The following TNFSF10 variants were observed in gnomAD, a reference collection of about 807,000 sequenced individuals.
The protein encoded by TNFSF10 is TNF superfamily member 10.
In TNFSF10, 13 loss-of-function variants were observed where a neutral mutation model predicts 29.5. The ratio of observed to expected loss-of-function variants is 0.44; its 90% CI spans 0.29 to 0.70. The LOEUF (loss-of-function observed/expected upper bound fraction) is 0.70, where lower values mean the gene tolerates loss of function less well. Among genes scored for constraint, TNFSF10 ranks in the 30% least tolerant of loss-of-function variants. The pLI, the probability that TNFSF10 is intolerant of heterozygous loss-of-function variation, is 0.13. For missense variants in TNFSF10, 345 were observed against 330.9 expected, an observed-to-expected ratio of 1.04 and a Z score of -0.33; for synonymous variants, 111 against 112.8, an observed-to-expected ratio of 0.98 and a Z score of 0.10.
intron 1 of TNFSF10, among the ~76,000 whole-genome samples, chr3:172,516,999 C>G (rs1339973947): frequency 6.6e-6 from 1 of 152,224 alleles, no homozygotes; most frequent in African/African-American, 2.4e-5. Flanking sequence ...TTTGATTACA[C>G]TGAACAAGCA....
At position 172,523,338 on chromosome 3, in the gene TNFSF10, C is replaced by G. The variant is rs766473220; in HGVS notation, c.47G>C (p.Cys16Ser). The G allele has an allele frequency of 1.2e-6, 2 of 1,614,108 alleles. No homozygotes were observed. The highest frequency in any genetic ancestry group is 1.7e-6 in the Non-Finnish European group (2 of 1,179,954). ...VQGGPSLGQT[C>S]VLIVIFTVLL... ...CACTGTGAAGATCACGATCAGCACGCAGGTCTGTCCCAGGCTGGGTCCCCC... is the reference window on the plus strand; with the variant it reads ...CACTGTGAAGATCACGATCAGCACGGAGGTCTGTCCCAGGCTGGGTCCCCC... Residue 16 changes from cysteine (C) to serine (S), a missense_variant, in exon 1 of 5, where the codon TGC (cysteine) becomes TCC (serine). Coordinates refer to ENST00000241261, the MANE Select transcript of TNFSF10 (RefSeq NM_003810.4).
At chr3:172,509,417 T>C (rs2108444910) in intron 3 of TNFSF10, 96 bp from the exon 4 acceptor site, 1 of 808,162 alleles carries the variant, frequency 1.2e-6, no homozygotes, top group Non-Finnish European at 1.9e-6. Flanking sequence ...ATCGTAAGCA[T>C]ACTGGGCTTC....
At chr3:172,508,173 T>C (rs566167721) in intron 4 of TNFSF10, among the ~76,000 whole-genome samples, 1 of 152,056 alleles carries the variant, frequency 6.6e-6, no homozygotes, top group African/African-American at 2.4e-5. Flanking sequence ...TGCATGCTTG[T>C]AATCCCAGCT....
rs1397056329 is a variant in TNFSF10, at chr3:172,505,626, T to A, written c.*866A>T. 1 of 151,918 alleles carries A rather than the reference T, an allele frequency of 6.6e-6. No individual in the cohort carries two copies. Among genetic ancestry groups the A allele is most frequent in the East Asian group, 1.9e-4 (1 of 5,202 alleles). The allele number at this position is 151,918 out of a possible 1,614,324, so 9.4% of individuals were successfully genotyped here. A position where few individuals can be genotyped will look rare whatever the true frequency, so the allele number is the denominator to read the frequency against. On this transcript the variant is annotated 3_prime_UTR_variant, in exon 5 of 5. Coordinates refer to ENST00000241261, the MANE Select transcript of TNFSF10 (RefSeq NM_003810.4). ...AGTAATCTTGATATTATGAAACAAG[T>A]GAGTACTAAAACAAAAACAACAATA... is the stretch of plus-strand genomic sequence containing the variant.
intron 2 of TNFSF10, among the ~76,000 whole-genome samples, chr3:172,513,561 T>C (rs777768295): frequency 1.3e-5 from 2 of 152,186 alleles, no homozygotes; most frequent in Non-Finnish European, 2.9e-5. Flanking sequence ...CCCATAGAAA[T>C]AGCATCTCAC....
intron 4 of TNFSF10, 153 bp downstream of exon 4, chr3:172,509,064 C>A (rs2108444708): frequency 2.0e-6 from 1 of 491,200 alleles, no homozygotes; most frequent in East Asian, 3.5e-5. Context: ...TGTAATCTTG[C>A]ATCTGAAAAC....
chr3:172,507,298 G>A (rs1221152535), intron 4 of TNFSF10: 1 of 193,782 alleles, frequency 5.2e-6, no homozygotes, highest in Non-Finnish European at 1.0e-5. Flanking sequence ...GTGAACTTAA[G>A]TGGACAATCC....
intron 1 of TNFSF10, among the ~76,000 whole-genome samples, chr3:172,515,678 T>C (rs1713398801): frequency 6.6e-6 from 1 of 152,110 alleles, no homozygotes; most frequent in Non-Finnish European, 1.5e-5. Context: ...CCTGTTCTGA[T>C]TGAAAGTAAA....
At chr3:172,518,271 G>A in intron 1 of TNFSF10, 1 of 1,160,294 alleles carries the variant, frequency 8.6e-7, no homozygotes. Flanking sequence ...AGAAGCCCTT[G>A]GTTCTGAAAA....
intron 2 of TNFSF10, among the ~76,000 whole-genome samples, chr3:172,513,031 C>T (rs1392829328): frequency 6.6e-6 from 1 of 152,216 alleles, no homozygotes; most frequent in Non-Finnish European, 1.5e-5. Context: ...ATCTGTTCAA[C>T]TAATGTGCCT....
chr3:172,522,376 A>G, intron 1 of TNFSF10: 4 of 1,459,114 alleles, frequency 2.7e-6, no homozygotes, highest in South Asian at 1.1e-5. Flanking sequence ...ACAAGGCCCT[A>G]TTTAAAGGCT....
chr3:172,511,967 A>T (rs1268740627), intron 2 of TNFSF10, among the ~76,000 whole-genome samples: 1 of 152,212 alleles, frequency 6.6e-6, no homozygotes, highest in Non-Finnish European at 1.5e-5. Context: ...CCGCCATGTG[A>T]TGTCAGCCAA....
intron 1 of TNFSF10, among the ~76,000 whole-genome samples, chr3:172,518,701 T>C (rs573966609): frequency 6.6e-6 from 1 of 152,356 alleles, no homozygotes; most frequent in Non-Finnish European, 1.5e-5. Flanking sequence ...TTACACCCTA[T>C]AATCCTTGCA....
Position 172,523,259 on chromosome 3 carries a change from C to T in TNFSF10, c.126G>A (p.Leu42=). Reference sequence around the variant, plus strand: ...TGCACTGCACTGCACTGACCTGCTTCAGCTCGTTGGTAAAGTACACGTAAG... The same window carrying T: ...TGCACTGCACTGCACTGACCTGCTTTAGCTCGTTGGTAAAGTACACGTAAG... ...AVTYVYFTNE[L]KQMQDKYSKS... The change falls in exon 1 of 5, where the codon CTG becomes CTA. Residue 42 remains leucine (L), a synonymous_variant. Coordinates refer to ENST00000241261, the MANE Select transcript of TNFSF10 (RefSeq NM_003810.4). 6.2e-7 allele frequency: 1 copy of T among 1,613,650 alleles called. No individual in the cohort carries two copies. Among genetic ancestry groups the T allele is most frequent in the Non-Finnish European group, 8.5e-7 (1 of 1,179,664 alleles).
intron 2 of TNFSF10, among the ~76,000 whole-genome samples, chr3:172,513,298 C>A (rs1196996880): frequency 3.3e-5 from 5 of 152,206 alleles, no homozygotes; most frequent in Admixed American, 2.0e-4. Context: ...GCACCTCCAC[C>A]CTCCCCAAGC....
intron 2 of TNFSF10, 111 bp downstream of exon 2, chr3:172,514,750 T>A (rs1423092229): frequency 7.1e-6 from 10 of 1,413,518 alleles, no homozygotes; most frequent in African/African-American, 1.4e-5. Flanking sequence ...TAAGTTTTCT[T>A]ATTTGTAAAA....
chr3:172,520,262 A>G (rs1169440651), intron 1 of TNFSF10, among the ~76,000 whole-genome samples: 1 of 152,228 alleles, frequency 6.6e-6, no homozygotes, highest in South Asian at 2.1e-4. Context: ...TCTGTCAAAG[A>G]TACCTCAATT....
At chr3:172,522,155 C>A (rs986403726) in intron 1 of TNFSF10, 9 of 337,872 alleles carry the variant, frequency 2.7e-5, no homozygotes, top group African/African-American at 1.1e-4. Flanking sequence ...ACATGTATAC[C>A]TATGTAACAA....
intron 4 of TNFSF10, among the ~76,000 whole-genome samples, chr3:172,508,820 C>T (rs1007205905): frequency 7.3e-5 from 11 of 151,442 alleles, no homozygotes; most frequent in African/African-American, 1.5e-4. Flanking sequence ...ACACTGGAGG[C>T]GGAGGTTGCA....
Sources: gnomAD v4.1 joint callset for allele counts (sites outside exome capture counted in the v4.1 genomes callset) on GRCh38, gnomAD v4.1.1 for gene constraint, MANE v1.5 for transcripts, NCBI Gene and HGNC (gene_info 2026-07-23, HGNC 2026-07-21) for gene names.